Variants in KNG1 observed in about 807,000 individuals in gnomAD.
KNG1 encodes kininogen-1.
KNG1 carries 23 observed loss-of-function variants against 47.8 expected under a neutral mutation model. That is an observed-to-expected ratio of 0.48 (90% CI 0.35 to 0.68). The LOEUF is 0.68. KNG1 is among the 30% of genes least tolerant of loss of function. The pLI, the probability that KNG1 is intolerant of heterozygous loss-of-function variation, is 0.01. For missense variants in KNG1, 762 were observed against 790.2 expected, an observed-to-expected ratio of 0.96 and a Z score of 0.43; for synonymous variants, 277 against 277.0, an observed-to-expected ratio of 1.00 and a Z score of 0.00.
At chr3:186,722,154 GAA>G in intron 2 of KNG1, 1 of 213,026 alleles carries the variant, frequency 4.7e-6, no homozygotes, top group Non-Finnish European at 9.0e-6. Flanking sequence ...GGAAACAAAA[GAA>G]AAAAGAAATA....
At chr3:186,732,476 G>A (rs1424777153) in intron 6 of KNG1, 26 bp from the exon 7 acceptor site, 6 of 1,612,672 alleles carry the variant, frequency 3.7e-6, no homozygotes, top group Non-Finnish European at 5.1e-6. Flanking sequence ...CAGTGTACAT[G>A]TTGACTTAAA....
chr3:186,733,231 C>T (rs572735103), intron 7 of KNG1, among the ~76,000 whole-genome samples: 115 of 147,318 alleles, frequency 7.8e-4, no homozygotes, highest in Non-Finnish European at 1.3e-3. Flanking sequence ...GGCAACAGAG[C>T]GAGACTCTGT....
intron 3 of KNG1, among the ~76,000 whole-genome samples, chr3:186,723,628 A>T (rs1186289636): frequency 2.0e-5 from 3 of 150,996 alleles, no homozygotes; most frequent in African/African-American, 7.3e-5. Flanking sequence ...ATACTATTTC[A>T]TTGTGAGTAT....
intron 5 of KNG1, chr3:186,728,997 C>T (rs563306681): frequency 6.6e-6 from 1 of 152,040 alleles, no homozygotes; most frequent in South Asian, 2.1e-4. Context: ...TTGATATTTC[C>T]CGAGTTTTCT....
intron 9 of KNG1, among the ~76,000 whole-genome samples, chr3:186,739,881 G>C (rs561511654): frequency 6.6e-6 from 1 of 152,250 alleles, no homozygotes; most frequent in African/African-American, 2.4e-5. Flanking sequence ...GTGAAACCCT[G>C]TCTCTACTGA....
intron 9 of KNG1, among the ~76,000 whole-genome samples, chr3:186,741,056 CCA>C (rs1208707484): frequency 6.6e-6 from 1 of 151,626 alleles, no homozygotes; most frequent in Non-Finnish European, 1.5e-5. Context: ...TGCAGTGGCG[CCA>C]TCTCAGCTCA....
At chr3:186,728,876 T>C (rs1321027550) in intron 5 of KNG1, 2 of 152,312 alleles carry the variant, frequency 1.3e-5, no homozygotes, top group South Asian at 4.1e-4. Context: ...TGTTTTCGAA[T>C]TCTTGATCTC....
chr3:186,728,942 T>G (rs924281382), intron 5 of KNG1: 2 of 152,220 alleles, frequency 1.3e-5, no homozygotes, highest in African/African-American at 4.8e-5. Flanking sequence ...TGTAAGCCAC[T>G]GCATCCGGCC....
chr3:186,734,320 CAGAAT>C (rs1287705430), intron 7 of KNG1, among the ~76,000 whole-genome samples: 5 of 152,132 alleles, frequency 3.3e-5, no homozygotes, highest in Admixed American at 2.0e-4. Context: ...GGCATATCCT[CAGAAT>C]AGAGTGTTAA....
chr3:186,730,655 C>CAAAAA (rs869232105), intron 5 of KNG1, among the ~76,000 whole-genome samples: 16 of 80,112 alleles, frequency 2.0e-4, no homozygotes, highest in East Asian at 4.3e-4. Context: ...GACTCCATCA[C>CAAAAA]AAAAAAAAAA....
intron 7 of KNG1, chr3:186,736,492 T>C (rs1720672467): frequency 6.6e-6 from 1 of 152,222 alleles, no homozygotes; most frequent in Non-Finnish European, 1.5e-5. Flanking sequence ...TCTTCCATTT[T>C]CACACATTAG....
In KNG1 at chr3:186,742,151, C is replaced by T. The variant is rs139647563; in HGVS notation, c.1755C>T (p.Asp585=). Residue 585 remains aspartate, a synonymous_variant, in exon 10 of 10, where the codon GAC becomes GAT. Coordinates refer to ENST00000644859, the MANE Select transcript of KNG1 (RefSeq NM_001102416.3). ...CACCAGCTCCCATACAGAGTGATGACGATTGGATCCCTGATATCCAGATAG... is the reference window on the plus strand; with the variant it reads ...CACCAGCTCCCATACAGAGTGATGATGATTGGATCCCTGATATCCAGATAG... ...PISPAPIQSD[D]DWIPDIQIDP... is the part of the protein sequence containing the mutation. The T allele has an allele frequency of 2.1e-5, 34 of 1,614,146 alleles. No individual in the cohort carries two copies. The highest frequency in any genetic ancestry group is 3.3e-4 in the Middle Eastern group (2 of 6,062).
chr3:186,727,891 G>T (rs888638542), intron 5 of KNG1, among the ~76,000 whole-genome samples: 6 of 152,122 alleles, frequency 3.9e-5, no homozygotes, highest in African/African-American at 1.4e-4. Flanking sequence ...TATTTACAGA[G>T]CATAACCAGG....
chr3:186,733,859 T>C (rs1720604855), intron 7 of KNG1, among the ~76,000 whole-genome samples: 1 of 152,008 alleles, frequency 6.6e-6, no homozygotes, highest in Middle Eastern at 3.4e-3. Flanking sequence ...TCCCAGCTAC[T>C]CGGAAGGCTG....
intron 7 of KNG1, among the ~76,000 whole-genome samples, chr3:186,735,542 C>T (rs150706921): frequency 4.6e-5 from 7 of 151,940 alleles, no homozygotes; most frequent in African/African-American, 1.4e-4. Context: ...CACTTAAACT[C>T]GGGAGGCGGA....
rs369577099 is a variant in KNG1, at chr3:186,741,886, A to G, written c.1490A>G (p.His497Arg). Residue 497 changes from histidine to arginine, a missense_variant, in exon 10 of 10, where the codon CAT (histidine) becomes CGT (arginine). Coordinates refer to ENST00000644859, the MANE Select transcript of KNG1 (RefSeq NM_001102416.3). ...CATGTCCTTGACCATGGACATAAGC[A>G]TAAGCATGGTCATGGCCACGGAAAA... ...GGHVLDHGHK[H>R]KHGHGHGKHK... 6.2e-7 allele frequency: 1 copy of G among 1,613,970 alleles called. No individual in the cohort carries two copies. Among genetic ancestry groups the G allele is most frequent in the African/African-American group, 1.3e-5 (1 of 74,956 alleles).
chr3:186,719,012 A>G (rs1720107944), intron 1 of KNG1, among the ~76,000 whole-genome samples: 1 of 152,078 alleles, frequency 6.6e-6, no homozygotes, highest in Non-Finnish European at 1.5e-5. Flanking sequence ...AAAAAAAACT[A>G]GCCATGTGAC....
intron 7 of KNG1, among the ~76,000 whole-genome samples, chr3:186,733,945 G>A (rs775288874): frequency 6.6e-6 from 1 of 152,110 alleles, no homozygotes; most frequent in Non-Finnish European, 1.5e-5. Flanking sequence ...TCCAGCCTGG[G>A]CAACAAGAGC....
chr3:186,743,482 T>C lies in KNG1; in HGVS notation c.*1151T>C. 1 of 552,060 alleles carries C rather than the reference T, an allele frequency of 1.8e-6. No individual in the cohort carries two copies. The highest frequency in any genetic ancestry group is 3.3e-6 in the Non-Finnish European group (1 of 307,576). The allele number at this position is 552,060 out of a possible 1,614,324, so 34.2% of individuals were successfully genotyped here. On this transcript the variant is annotated 3_prime_UTR_variant, in exon 10 of 10. Transcript: ENST00000644859. ...TTGCCTAGAAAAACAAGATATGGCT[T>C]TAAATAGCTACAATCATCTTTGGAT...
Sources: gnomAD v4.1 joint callset for allele counts (sites outside exome capture counted in the v4.1 genomes callset) on GRCh38, gnomAD v4.1.1 for gene constraint, MANE v1.5 for transcripts, NCBI Gene and HGNC (gene_info 2026-07-23, HGNC 2026-07-21) for gene names.